Variants in PARVA observed in about 807,000 individuals in gnomAD.
PARVA encodes parvin alpha, also known as alpha-parvin.
In PARVA, 25 loss-of-function variants were observed where a neutral mutation model predicts 52.6. The observed-to-expected ratio is 0.48, with a 90% confidence interval of 0.35 to 0.66. The LOEUF is 0.66. PARVA is among the 30% of genes least tolerant of loss of function. The probability of loss-of-function intolerance (pLI) is 0.01; values close to 1 mark genes in which losing one functional copy is unlikely to be tolerated. For missense variants in PARVA, 373 were observed against 450.9 expected (o/e 0.83, Z 1.56); for synonymous variants, 185 against 179.1 (o/e 1.03, Z -0.26).
intron 1 of PARVA, among the ~76,000 whole-genome samples, chr11:12,422,091 T>A (rs958314870): frequency 6.6e-6 from 1 of 152,264 alleles, no homozygotes; most frequent in Admixed American, 6.5e-5. Context: ...TTAGGGTTCT[T>A]ATGCTTTTTT....
In PARVA at chr11:12,535,208, G is replaced by C. The variant is rs1941819584; in HGVS notation, c.*7283G>C. ...GTTGTCTAGACCCATGGCCAAGACTGTCATTGCCTGTGAGGGAGACCAAGC... is the reference window on the plus strand; with the variant it reads ...GTTGTCTAGACCCATGGCCAAGACTCTCATTGCCTGTGAGGGAGACCAAGC... On this transcript the variant is annotated 3_prime_UTR_variant, in exon 13 of 13. Transcript: ENST00000334956. 6.6e-6 allele frequency among the ~76,000 whole-genome samples: 1 copy of C among 152,324 alleles called. No homozygotes were observed. The highest frequency in any genetic ancestry group is 6.5e-5 in the Admixed American group (1 of 15,296).
chr11:12,488,707 A>T (rs1941193710), intron 4 of PARVA, among the ~76,000 whole-genome samples: 1 of 152,272 alleles, frequency 6.6e-6, no homozygotes, highest in Non-Finnish European at 1.5e-5. Flanking sequence ...GCTTCAGATA[A>T]CTCCTCATCA....
At chr11:12,513,208 C>A in intron 8 of PARVA, 91 bp from the exon 9 acceptor site, 2 of 1,024,834 alleles carry the variant, frequency 2.0e-6, no homozygotes, top group Non-Finnish European at 3.1e-6. Context: ...GACCTTGTGA[C>A]CTTGAGAGGC....
At chr11:12,400,909 G>A (rs1939818720) in intron 1 of PARVA, among the ~76,000 whole-genome samples, 1 of 152,170 alleles carries the variant, frequency 6.6e-6, no homozygotes, top group Admixed American at 6.5e-5. Context: ...GCAAAGGGAG[G>A]CCTGAGGAGC....
Position 12,532,251 on chromosome 11 carries a change from T to C in PARVA, c.*4326T>C, listed in dbSNP as rs1941780386. Among the ~76,000 whole-genome samples the C allele has an allele frequency of 6.6e-6, 1 of 151,990 alleles. No homozygotes were observed. The highest frequency in any genetic ancestry group is 2.1e-4 in the South Asian group (1 of 4,824). On this transcript the variant is annotated 3_prime_UTR_variant, in exon 13 of 13. Coordinates refer to ENST00000334956, the MANE Select transcript of PARVA (RefSeq NM_018222.5). Reference sequence around the variant, plus strand: ...ATAAATTCTACAGGATATTAGTAAATGTTAGATGAAAAAAAAAGTCACGTT... The same window carrying C: ...ATAAATTCTACAGGATATTAGTAAACGTTAGATGAAAAAAAAAGTCACGTT...
chr11:12,413,410 A>G (rs1045466533), intron 1 of PARVA, among the ~76,000 whole-genome samples: 4 of 152,230 alleles, frequency 2.6e-5, no homozygotes, highest in African/African-American at 9.6e-5. Flanking sequence ...TACATCCATC[A>G]TTAATAATAA....
intron 1 of PARVA, among the ~76,000 whole-genome samples, chr11:12,390,763 C>G (rs1939647535): frequency 6.6e-6 from 1 of 152,184 alleles, no homozygotes. Flanking sequence ...CTCTCCCTGG[C>G]TCTCAGCCCT....
intron 1 of PARVA, among the ~76,000 whole-genome samples, chr11:12,409,743 C>G (rs747538673): frequency 3.9e-5 from 6 of 152,224 alleles, no homozygotes; most frequent in Non-Finnish European, 5.9e-5. Context: ...AGCTCGACTT[C>G]TAACCTCCAG....
chr11:12,453,092 G>GA, intron 1 of PARVA: 5 of 453,506 alleles, frequency 1.1e-5, no homozygotes, highest in South Asian at 7.8e-5. Context: ...TTGTTGGGGG[G>GA]GCGCCCTGGC....
intron 3 of PARVA, among the ~76,000 whole-genome samples, chr11:12,477,415 T>C (rs1941030083): frequency 6.6e-6 from 1 of 152,168 alleles, no homozygotes; most frequent in African/African-American, 2.4e-5. Context: ...TTTATGGCCG[T>C]ACACTGTGAG....
chr11:12,402,605 A>G (rs894861415), intron 1 of PARVA, among the ~76,000 whole-genome samples: 13 of 152,240 alleles, frequency 8.5e-5, no homozygotes, highest in Non-Finnish European at 1.3e-4. Context: ...TACTACTAGT[A>G]TATTCCCATG....
intron 4 of PARVA, among the ~76,000 whole-genome samples, chr11:12,488,092 A>G (rs1021790539): frequency 3.9e-5 from 6 of 152,202 alleles, no homozygotes; most frequent in Non-Finnish European, 8.8e-5. Flanking sequence ...TAAAATAGAA[A>G]GAGGAAACTA....
chr11:12,386,504 G>T (rs1939574051), intron 1 of PARVA, among the ~76,000 whole-genome samples: 1 of 152,158 alleles, frequency 6.6e-6, no homozygotes, highest in Non-Finnish European at 1.5e-5. Context: ...ACAGTGCCTT[G>T]TCTATACTCT....
intron 4 of PARVA, among the ~76,000 whole-genome samples, chr11:12,483,131 C>T (rs1941110546): frequency 6.6e-6 from 1 of 152,218 alleles, no homozygotes; most frequent in South Asian, 2.1e-4. Context: ...GGAAAATCAC[C>T]CTTCTCACAG....
At chr11:12,510,814 C>T (rs11022379) in intron 7 of PARVA, among the ~76,000 whole-genome samples, 15,224 of 152,156 alleles carry the variant, frequency 0.1, 958 homozygotes, top group East Asian at 0.17. Context: ...TCCCACAACA[C>T]GTAGGAATTC....
chr11:12,520,207 C>T (rs986347914), intron 12 of PARVA, among the ~76,000 whole-genome samples: 25 of 152,180 alleles, frequency 1.6e-4, no homozygotes, highest in African/African-American at 6.0e-4. Flanking sequence ...GATGGAAAAA[C>T]ACGTGTTTTA....
intron 1 of PARVA, chr11:12,453,089 G>C: frequency 2.2e-6 from 1 of 454,182 alleles, no homozygotes; most frequent in Non-Finnish European, 4.4e-6. Flanking sequence ...TCTTTGTTGG[G>C]GGGGCGCCCT....
At chr11:12,407,249 A>G (rs1939925696) in intron 1 of PARVA, among the ~76,000 whole-genome samples, 1 of 152,164 alleles carries the variant, frequency 6.6e-6, no homozygotes, top group Admixed American at 6.5e-5. Flanking sequence ...GGAAATATCA[A>G]TTCCTTGGGA....
chr11:12,410,028 A>G (rs1391064498), intron 1 of PARVA, among the ~76,000 whole-genome samples: 1 of 152,156 alleles, frequency 6.6e-6, no homozygotes, highest in Non-Finnish European at 1.5e-5. Flanking sequence ...TGTAAACTCT[A>G]GGAGTACCAA....
Sources: gnomAD v4.1 joint callset for allele counts (sites outside exome capture counted in the v4.1 genomes callset) on GRCh38, gnomAD v4.1.1 for gene constraint, MANE v1.5 for transcripts, NCBI Gene and HGNC (gene_info 2026-07-23, HGNC 2026-07-21) for gene names.